Variants in GRM8 observed in about 807,000 individuals in gnomAD.
GRM8 encodes metabotropic glutamate receptor 8.
Under a neutral mutation model 87.2 loss-of-function variants are expected in GRM8, and 47 were observed. The ratio of observed to expected loss-of-function variants is 0.54; its 90% confidence interval spans 0.43 to 0.69. The LOEUF (loss-of-function observed/expected upper bound fraction) is 0.69. GRM8 is among the 30% of genes least tolerant of loss of function. The pLI, the probability that GRM8 is intolerant of heterozygous loss-of-function variation, is 0.00. For missense variants in GRM8, 1,019 were observed against 1,139.2 expected (o/e 0.89, Z 1.52); for synonymous variants, 396 against 404.5 (o/e 0.98, Z 0.25).
intron 6 of GRM8, among the ~76,000 whole-genome samples, chr7:126,871,541 GAAGA>G (rs1343759460): frequency 1.3e-5 from 2 of 152,158 alleles, no homozygotes; most frequent in African/African-American, 4.8e-5. Context: ...GAACAAGGCA[GAAGA>G]AAGAAGAGGA....
chr7:126,896,876 G>T (rs1253340890), intron 6 of GRM8, among the ~76,000 whole-genome samples: 1 of 152,124 alleles, frequency 6.6e-6, no homozygotes, highest in Non-Finnish European at 1.5e-5. Context: ...TTAAAACCCA[G>T]CAAAGAAAAC....
chr7:127,102,234 G>T (rs1158895961), intron 3 of GRM8, among the ~76,000 whole-genome samples: 3 of 152,140 alleles, frequency 2.0e-5, no homozygotes, highest in Non-Finnish European at 1.5e-5. Flanking sequence ...GGGAAGCAGG[G>T]TATAAAAGTT....
At chr7:126,814,750 G>T in intron 6 of GRM8, among the ~76,000 whole-genome samples, 1 of 149,112 alleles carries the variant, frequency 6.7e-6, no homozygotes. Flanking sequence ...TCATTCTAAT[G>T]CCATTCTTAT....
rs1158144234 is a variant in GRM8, at chr7:127,110,431, T to C, written c.511-3719A>G. Reference sequence around the variant, plus strand: ...TCATTTCCTTTCTTCTTCATTTCCCTAAGGCATCCTACTGCATATTTGAAA... The same window carrying C: ...TCATTTCCTTTCTTCTTCATTTCCCCAAGGCATCCTACTGCATATTTGAAA... On this transcript the variant is annotated intron_variant, in intron 2 of 10. Transcript: ENST00000339582. Among the ~76,000 whole-genome samples, 8 of 152,300 alleles carry C rather than the reference T, an allele frequency of 5.3e-5. No individual in the cohort carries two copies. The East Asian group carries it at 1.5e-3, about 29-fold the overall frequency.
intron 2 of GRM8, among the ~76,000 whole-genome samples, chr7:127,210,697 T>C (rs957586028): frequency 2.0e-5 from 3 of 152,204 alleles, no homozygotes; most frequent in African/African-American, 7.2e-5. Flanking sequence ...CTCTTTCCAC[T>C]GGATGGTCTT....
chr7:126,696,024 C>A (rs1006934009), intron 7 of GRM8, among the ~76,000 whole-genome samples: 1 of 152,090 alleles, frequency 6.6e-6, no homozygotes, highest in Non-Finnish European at 1.5e-5. Flanking sequence ...AGCTTTCTGG[C>A]TTTTACAACC....
chr7:126,885,725 T>G (rs1405476638), intron 6 of GRM8, among the ~76,000 whole-genome samples: 1 of 152,178 alleles, frequency 6.6e-6, no homozygotes, highest in African/African-American at 2.4e-5. Flanking sequence ...AATTTTAAAT[T>G]TTTGAATACA....
At chr7:127,076,284 A>G (rs1213025400) in intron 3 of GRM8, 2 of 447,282 alleles carry the variant, frequency 4.5e-6, no homozygotes, top group Non-Finnish European at 9.0e-6. Context: ...TTAATGCTGT[A>G]ATATACATTA....
intron 3 of GRM8, among the ~76,000 whole-genome samples, chr7:127,048,774 T>C (rs1168725473): frequency 1.3e-5 from 2 of 152,224 alleles, no homozygotes; most frequent in Admixed American, 6.5e-5. Flanking sequence ...AACTATTTAA[T>C]GTATGATATT....
chr7:127,106,509 G>T lies in GRM8; in HGVS notation c.714C>A (p.Ile238=). Residue 238 remains isoleucine (I), a synonymous_variant, in exon 3 of 11, where the codon ATC becomes ATA. Transcript: ENST00000339582. ...GESGVEAFTQ[I]SREIGGVCIA... is the part of the protein sequence containing the mutation. ...ATATATGCTTACCAATCTCCCTCGAGATCTGGGTGAAGGCCTCCACACCGC... is the reference window on the plus strand; with the variant it reads ...ATATATGCTTACCAATCTCCCTCGATATCTGGGTGAAGGCCTCCACACCGC... 6.2e-7 allele frequency: 1 copy of T among 1,612,934 alleles called. No individual in the cohort carries two copies. Among genetic ancestry groups the T allele is most frequent in the Non-Finnish European group, 8.5e-7 (1 of 1,179,036 alleles).
chr7:126,746,631 T>G (rs1176184722), intron 7 of GRM8, among the ~76,000 whole-genome samples: 1 of 151,684 alleles, frequency 6.6e-6, no homozygotes, highest in Non-Finnish European at 1.5e-5. Flanking sequence ...TAATTTGTAA[T>G]CAAGACCAAA....
chr7:126,757,264 T>G (rs1817114608), intron 7 of GRM8, among the ~76,000 whole-genome samples: 1 of 152,034 alleles, frequency 6.6e-6, no homozygotes, highest in Non-Finnish European at 1.5e-5. Flanking sequence ...CTATCAAAAG[T>G]TAGGAGAGCG....
chr7:126,873,501 C>T (rs1799281531), intron 6 of GRM8, among the ~76,000 whole-genome samples: 1 of 152,032 alleles, frequency 6.6e-6, no homozygotes, highest in East Asian at 1.9e-4. Flanking sequence ...CCTGTGTAAC[C>T]TACCATTCAG....
chr7:127,104,974 T>C (rs1310709155), intron 3 of GRM8, among the ~76,000 whole-genome samples: 1 of 152,226 alleles, frequency 6.6e-6, no homozygotes, highest in Non-Finnish European at 1.5e-5. Context: ...GCACACAAAA[T>C]GTGTCCTCAA....
chr7:126,899,104 AGTGTGT>A (rs71177573), intron 6 of GRM8, among the ~76,000 whole-genome samples: 14 of 140,308 alleles, frequency 1.0e-4, no homozygotes, highest in African/African-American at 3.5e-4. Context: ...ACTGGTTAAC[AGTGTGT>A]GTGTGTGTGT....
intron 7 of GRM8, among the ~76,000 whole-genome samples, chr7:126,640,610 T>G (rs1802278598): frequency 6.6e-6 from 1 of 152,066 alleles, no homozygotes; most frequent in Non-Finnish European, 1.5e-5. Flanking sequence ...ATATATTTTC[T>G]GCAGTTTTTG....
At chr7:126,874,166 A>G (rs1252453321) in intron 6 of GRM8, among the ~76,000 whole-genome samples, 1 of 152,060 alleles carries the variant, frequency 6.6e-6, no homozygotes, top group East Asian at 1.9e-4. Context: ...CTGGATACCC[A>G]TCATGCTTTC....
At chr7:126,478,274 T>C (rs1806240720) in intron 9 of GRM8, among the ~76,000 whole-genome samples, 1 of 152,152 alleles carries the variant, frequency 6.6e-6, no homozygotes, top group African/African-American at 2.4e-5. Flanking sequence ...GAATGCCACA[T>C]TTACTTTTTA....
chr7:127,066,938 A>G (rs1356858638), intron 3 of GRM8, among the ~76,000 whole-genome samples: 2 of 152,194 alleles, frequency 1.3e-5, no homozygotes, highest in South Asian at 2.1e-4. Context: ...ATGAGGTATT[A>G]TAAGTGAGGA....
Sources: gnomAD v4.1 joint callset for allele counts (sites outside exome capture counted in the v4.1 genomes callset) on GRCh38, gnomAD v4.1.1 for gene constraint, MANE v1.5 for transcripts, NCBI Gene and HGNC (gene_info 2026-07-23, HGNC 2026-07-21) for gene names.